MAGI2: variants seen among roughly 807,000 people sequenced by gnomAD.
The protein encoded by MAGI2 is membrane-associated guanylate kinase, WW and PDZ domain-containing protein 2.
A neutral mutation model predicts 133.3 loss-of-function variants in MAGI2; 35 were observed. That is an observed-to-expected ratio of 0.26 (90% CI 0.20 to 0.35). The LOEUF (loss-of-function observed/expected upper bound fraction) is 0.35, where lower values mean the gene tolerates loss of function less well. MAGI2 is among the 10% of genes least tolerant of loss of function. The probability of loss-of-function intolerance (pLI) is 1.00; values close to 1 mark genes in which losing one functional copy is unlikely to be tolerated. For missense variants in MAGI2, 1,636 were observed against 1,863.4 expected, an observed-to-expected ratio of 0.88 and a Z score of 2.25; for synonymous variants, 729 against 710.6, an observed-to-expected ratio of 1.03 and a Z score of -0.41.
intron 10 of MAGI2, among the ~76,000 whole-genome samples, chr7:78,239,048 GAT>G (rs34091603): frequency 0.29 from 44,338 of 151,714 alleles, 7,520 homozygotes; most frequent in Non-Finnish European, 0.37. Context: ...TTCTATCCTG[GAT>G]ATCTCTACAG....
intron 2 of MAGI2, among the ~76,000 whole-genome samples, chr7:78,907,108 T>G (rs754372969): frequency 5.9e-5 from 9 of 152,184 alleles, no homozygotes; most frequent in Non-Finnish European, 1.0e-4. Context: ...GGGAGGAGGC[T>G]ACTGCAAACT....
chr7:78,513,262 G>A (rs1050471098), intron 4 of MAGI2, among the ~76,000 whole-genome samples: 6 of 152,080 alleles, frequency 3.9e-5, no homozygotes, highest in Non-Finnish European at 5.9e-5. Context: ...CTATTCTTTG[G>A]GGCAAAATTG....
chr7:79,399,616 G>C (rs1845328731), intron 1 of MAGI2, among the ~76,000 whole-genome samples: 1 of 152,138 alleles, frequency 6.6e-6, no homozygotes, highest in African/African-American at 2.4e-5. Context: ...CCTATCAGCA[G>C]AGGTTTTCCC....
At position 78,160,148 on chromosome 7, in the gene MAGI2, G is replaced by C. The variant is rs772788663; in HGVS notation, c.2722C>G (p.Pro908Ala). 149 of 1,612,718 alleles carry C rather than the reference G, an allele frequency of 9.2e-5. No individual in the cohort carries two copies. Among genetic ancestry groups the C allele is most frequent in the Middle Eastern group, 3.3e-4 (2 of 6,084 alleles). Residue 908 changes from proline to alanine, a missense_variant, in exon 16 of 22, where the codon CCT becomes GCT. Coordinates refer to ENST00000354212, the MANE Select transcript of MAGI2 (RefSeq NM_012301.4). ...HAAPSSNASP[P>A]EGFASHSLQT... ...AGGCTGTGGGAGGCGAAGCCTTCAG[G>C]GGGAGAGGCATTGCTACTGGGGGCA... is the stretch of plus-strand genomic sequence containing the variant.
intron 14 of MAGI2, among the ~76,000 whole-genome samples, chr7:78,168,978 G>A (rs1825868259): frequency 6.6e-6 from 1 of 152,104 alleles, no homozygotes; most frequent in Admixed American, 6.6e-5. Flanking sequence ...TGTCCTCTAC[G>A]CAAAGGACAT....
intron 3 of MAGI2, among the ~76,000 whole-genome samples, chr7:78,549,094 T>C (rs1169256238): frequency 6.6e-6 from 1 of 152,208 alleles, no homozygotes; most frequent in East Asian, 1.9e-4. Context: ...CTTACAAAAG[T>C]AGGTTTCCTG....
At chr7:78,719,634 G>T (rs1820066072) in intron 2 of MAGI2, among the ~76,000 whole-genome samples, 1 of 152,188 alleles carries the variant, frequency 6.6e-6, no homozygotes, top group African/African-American at 2.4e-5. Flanking sequence ...AACGACAAAG[G>T]TCATGCCAAG....
chr7:78,627,053 T>G (rs1215434908), intron 3 of MAGI2, 67 bp downstream of exon 3: 1 of 1,487,636 alleles, frequency 6.7e-7, no homozygotes, highest in Non-Finnish European at 8.9e-7. Flanking sequence ...GGTGTCCCCG[T>G]GCATTTCCAT....
chr7:78,625,613 G>A (rs571748336), intron 3 of MAGI2, among the ~76,000 whole-genome samples: 87 of 152,072 alleles, frequency 5.7e-4, no homozygotes, highest in Non-Finnish European at 1.1e-3. Flanking sequence ...AATTTCCTAG[G>A]CCTTCACATT....
intron 10 of MAGI2, among the ~76,000 whole-genome samples, chr7:78,247,671 A>G (rs1231582077): frequency 6.6e-6 from 1 of 152,188 alleles, no homozygotes; most frequent in African/African-American, 2.4e-5. Flanking sequence ...TACAATACAG[A>G]GCTTCAGTAG....
intron 2 of MAGI2, among the ~76,000 whole-genome samples, chr7:78,795,929 A>T (rs1787569485): frequency 6.6e-6 from 1 of 152,144 alleles, no homozygotes; most frequent in Non-Finnish European, 1.5e-5. Context: ...TAAACTGGAT[A>T]ACCATATACA....
At chr7:79,169,465 A>AAGC (rs1277061072) in intron 1 of MAGI2, among the ~76,000 whole-genome samples, 4 of 152,070 alleles carry the variant, frequency 2.6e-5, no homozygotes, top group African/African-American at 9.7e-5. Flanking sequence ...GAAGACTTTA[A>AAGC]AGCAGCATTT....
At chr7:78,103,742 G>T (rs1307292421) in intron 20 of MAGI2, among the ~76,000 whole-genome samples, 1 of 152,148 alleles carries the variant, frequency 6.6e-6, no homozygotes, top group Admixed American at 6.5e-5. Flanking sequence ...ATGTTCAATT[G>T]CTCAGAATTG....
intron 6 of MAGI2, among the ~76,000 whole-genome samples, chr7:78,418,721 CAA>C (rs952152129): frequency 2.6e-5 from 4 of 152,154 alleles, no homozygotes; most frequent in South Asian, 2.1e-4. Flanking sequence ...TGTTTGATGG[CAA>C]AGTCAGTTTC....
intron 20 of MAGI2, among the ~76,000 whole-genome samples, chr7:78,121,412 A>G (rs192011983): frequency 0.011 from 1,642 of 152,306 alleles, 21 homozygotes; most frequent in Non-Finnish European, 0.014. Flanking sequence ...ATGAAGAAAT[A>G]TTCAACAGAA....
chr7:79,352,360 T>C (rs7788723), intron 1 of MAGI2, among the ~76,000 whole-genome samples: 4,872 of 152,296 alleles, frequency 0.032, 253 homozygotes, highest in African/African-American at 0.11. Context: ...TTTGAAAACA[T>C]TCTCTCTATT....
rs549816438 is a variant in MAGI2 at position 78,912,484 on chromosome 7, G to C, written c.418+94606C>G. 5.3e-5 allele frequency among the ~76,000 whole-genome samples: 8 copies of C among 151,948 alleles called. No homozygotes were observed. In the East Asian group the frequency reaches 1.6e-3, roughly 30 times the overall value. ...GGCAGACCCACCCTTAATCTGGGTG[G>C]GCACAATCTAATCAGCTGCCAGTAA... On this transcript the variant is annotated intron_variant, in intron 2 of 21. Transcript: ENST00000354212.
chr7:78,896,034 A>G (rs1460699497), intron 2 of MAGI2, among the ~76,000 whole-genome samples: 6 of 152,208 alleles, frequency 3.9e-5, no homozygotes, highest in African/African-American at 1.4e-4. Flanking sequence ...TTCTTTTTTC[A>G]AATCAGATTG....
intron 10 of MAGI2, among the ~76,000 whole-genome samples, chr7:78,223,829 A>G (rs1252868897): frequency 6.6e-6 from 1 of 152,232 alleles, no homozygotes; most frequent in Non-Finnish European, 1.5e-5. Flanking sequence ...TAAAAAGGGA[A>G]CAGATGAGTA....
Sources: gnomAD v4.1 joint callset for allele counts (sites outside exome capture counted in the v4.1 genomes callset) on GRCh38, gnomAD v4.1.1 for gene constraint, MANE v1.5 for transcripts, NCBI Gene and HGNC (gene_info 2026-07-23, HGNC 2026-07-21) for gene names.